The following MEGF9 variants were observed in gnomAD, a reference collection of about 807,000 sequenced individuals.
The protein encoded by MEGF9 is multiple EGF like domains 9.
MEGF9 carries 6 observed loss-of-function variants against 46.8 expected under a neutral mutation model. The ratio of observed to expected loss-of-function variants is 0.13; its 90% CI spans 0.07 to 0.25. The LOEUF (loss-of-function observed/expected upper bound fraction) is 0.25. MEGF9 is among the 10% of genes least tolerant of loss of function. The pLI is 1.00. For synonymous variants in MEGF9, 302 were observed against 330.7 expected (o/e 0.91, Z 0.94); for missense variants, 683 against 792.4 (o/e 0.86, Z 1.66).
intron 4 of MEGF9, among the ~76,000 whole-genome samples, chr9:120,611,856 GAAGGAAGA>G (rs1329563137): frequency 1.4e-4 from 19 of 131,794 alleles, no homozygotes; most frequent in Middle Eastern, 7.5e-3. Flanking sequence ...AGGAAGGAAG[GAAGGAAGA>G]AAGAGAGAGA....
At chr9:120,609,408 G>C (rs920383125) in intron 4 of MEGF9, among the ~76,000 whole-genome samples, 1 of 152,162 alleles carries the variant, frequency 6.6e-6, no homozygotes, top group Admixed American at 6.5e-5. Context: ...GTTTAGGATA[G>C]GGTTAGTCTA....
At chr9:120,639,382 G>A (rs1357640831) in intron 2 of MEGF9, among the ~76,000 whole-genome samples, 2 of 151,742 alleles carry the variant, frequency 1.3e-5, no homozygotes, top group Non-Finnish European at 2.9e-5. Context: ...GGCGGCATGC[G>A]CTTGTAATCC....
intron 2 of MEGF9, among the ~76,000 whole-genome samples, chr9:120,656,759 T>C (rs1464341701): frequency 2.0e-5 from 3 of 151,792 alleles, no homozygotes; most frequent in Non-Finnish European, 4.4e-5. Context: ...TGGATTATTA[T>C]CTCCACTTCA....
intron 2 of MEGF9, among the ~76,000 whole-genome samples, chr9:120,652,197 A>C (rs916575643): frequency 1.4e-5 from 2 of 145,094 alleles, no homozygotes; most frequent in Non-Finnish European, 3.0e-5. Flanking sequence ...AAAAAAAAAA[A>C]AAAACAGGTC....
At chr9:120,632,217 C>G (rs1159956297) in intron 2 of MEGF9, among the ~76,000 whole-genome samples, 2 of 152,114 alleles carry the variant, frequency 1.3e-5, no homozygotes, top group Admixed American at 1.3e-4. Flanking sequence ...ATTCTTTCAA[C>G]CCATAAACAT....
intron 2 of MEGF9, 49 bp from the exon 3 acceptor site, chr9:120,622,804 T>A (rs759555224): frequency 6.3e-7 from 1 of 1,598,108 alleles, no homozygotes; most frequent in Non-Finnish European, 8.6e-7. Flanking sequence ...AATTTAAAAG[T>A]TGTATTGAGT....
At chr9:120,712,835 C>CTTTTG (rs933301907) in intron 1 of MEGF9, among the ~76,000 whole-genome samples, 1 of 152,174 alleles carries the variant, frequency 6.6e-6, no homozygotes, top group Non-Finnish European at 1.5e-5. Context: ...ACAAAGTAGG[C>CTTTTG]TTTTGTTTTG....
At chr9:120,611,815 A>G (rs1368351561) in intron 4 of MEGF9, among the ~76,000 whole-genome samples, 1 of 147,534 alleles carries the variant, frequency 6.8e-6, no homozygotes, top group African/African-American at 2.6e-5. Context: ...AAAGAAAGAA[A>G]AGAAAAGAAA....
chr9:120,629,609 C>G (rs113707657), intron 2 of MEGF9, among the ~76,000 whole-genome samples: 47 of 151,838 alleles, frequency 3.1e-4, no homozygotes, highest in African/African-American at 1.1e-3. Context: ...CCACTGCACT[C>G]CAGCCTGGGT....
intron 1 of MEGF9, among the ~76,000 whole-genome samples, chr9:120,709,024 C>T (rs2043941070): frequency 6.6e-6 from 1 of 152,144 alleles, no homozygotes; most frequent in Non-Finnish European, 1.5e-5. Context: ...AGTACCCCAT[C>T]CAGAAGGAAT....
intron 1 of MEGF9, among the ~76,000 whole-genome samples, chr9:120,684,163 C>T (rs1250199271): frequency 6.6e-6 from 1 of 152,104 alleles, no homozygotes; most frequent in African/African-American, 2.4e-5. Flanking sequence ...ACTGTTGTAG[C>T]AATTTGACAG....
chr9:120,689,487 G>A (rs999957396), intron 1 of MEGF9, among the ~76,000 whole-genome samples: 5 of 152,120 alleles, frequency 3.3e-5, no homozygotes, highest in Non-Finnish European at 5.9e-5. Flanking sequence ...TCTGGCTACA[G>A]TGTGAAAATG....
intron 2 of MEGF9, among the ~76,000 whole-genome samples, chr9:120,640,437 C>T (rs2043597100): frequency 6.6e-6 from 1 of 151,748 alleles, no homozygotes; most frequent in Non-Finnish European, 1.5e-5. Context: ...ATTTTATTTT[C>T]TTGTTTATTA....
chr9:120,705,627 A>G (rs183057814), intron 1 of MEGF9, among the ~76,000 whole-genome samples: 125 of 152,124 alleles, frequency 8.2e-4, no homozygotes, highest in Non-Finnish European at 6.9e-4. Context: ...TATTAGAGAG[A>G]TTATTTTGAT....
chr9:120,663,884 G>A (rs1193199626), intron 1 of MEGF9, among the ~76,000 whole-genome samples: 9 of 152,028 alleles, frequency 5.9e-5, no homozygotes, highest in Non-Finnish European at 1.0e-4. Context: ...TCCTTTTATC[G>A]CCTGGCTTCT....
intron 1 of MEGF9, among the ~76,000 whole-genome samples, chr9:120,687,671 TG>T (rs2043829292): frequency 4.0e-3 from 1 of 248 alleles, no homozygotes; most frequent in African/African-American, 5.1e-3. Flanking sequence ...AACACAACAC[TG>T]TGTGTGTGTG....
chr9:120,622,107 T>C (rs2043502184), intron 3 of MEGF9, among the ~76,000 whole-genome samples: 1 of 152,250 alleles, frequency 6.6e-6, no homozygotes, highest in Admixed American at 6.5e-5. Context: ...GATTTTTTTC[T>C]ACCTTTCTGG....
chr9:120,659,906 T>G (rs2043694773), intron 1 of MEGF9, among the ~76,000 whole-genome samples: 1 of 150,980 alleles, frequency 6.6e-6, no homozygotes, highest in South Asian at 2.1e-4. Context: ...GACAACATGT[T>G]AAATAATAAA....
intron 1 of MEGF9, among the ~76,000 whole-genome samples, chr9:120,685,347 A>G (rs1388175471): frequency 2.6e-5 from 4 of 152,236 alleles, no homozygotes; most frequent in East Asian, 3.8e-4. Context: ...AATTATTGCC[A>G]AGGCACTATT....
Sources: allele counts gnomAD v4.1 joint callset (sites outside exome capture counted in the v4.1 genomes callset), GRCh38; gene constraint gnomAD v4.1.1; transcripts MANE v1.5; gene names NCBI Gene and HGNC (gene_info 2026-07-23, HGNC 2026-07-21).